Variants in ATL2 observed in about 807,000 individuals in gnomAD.
ATL2 encodes the protein atlastin GTPase 2.
Under a neutral mutation model 73.9 loss-of-function variants are expected in ATL2, and 31 were observed. The ratio of observed to expected loss-of-function variants is 0.42; its 90% CI spans 0.32 to 0.57. The LOEUF is 0.57. Among genes scored for constraint, ATL2 ranks in the 20% least tolerant of loss-of-function variants. The probability of loss-of-function intolerance (pLI) is 0.14; values close to 1 mark genes in which losing one functional copy is unlikely to be tolerated. For missense variants in ATL2, 738 were observed against 702.6 expected, an observed-to-expected ratio of 1.05 and a Z score of -0.57; for synonymous variants, 291 against 237.5, an observed-to-expected ratio of 1.23 and a Z score of -2.07.
At chr2:38,369,830 C>A (rs549354910) in intron 1 of ATL2, among the ~76,000 whole-genome samples, 97 of 151,816 alleles carry the variant, frequency 6.4e-4, no homozygotes, top group Non-Finnish European at 1.0e-3. Flanking sequence ...GGTGTTTTCC[C>A]GTCAAAACTC....
chr2:38,375,995 A>G, intron 1 of ATL2: 1 of 1,246,792 alleles, frequency 8.0e-7, no homozygotes, highest in Non-Finnish European at 1.0e-6. Flanking sequence ...TGTGGTTAAC[A>G]TCATACCAAA....
intron 2 of ATL2, among the ~76,000 whole-genome samples, chr2:38,342,524 G>C (rs1669783834): frequency 1.3e-5 from 2 of 152,188 alleles, no homozygotes; most frequent in Non-Finnish European, 2.9e-5. Flanking sequence ...AAGGGCAAGA[G>C]ATGAGATTCA....
chr2:38,313,274 T>C, intron 6 of ATL2, 31 bp from the exon 7 acceptor site: 1 of 1,517,834 alleles, frequency 6.6e-7, no homozygotes, highest in African/African-American at 1.4e-5. Context: ...AATTGTTTAT[T>C]TTACAATAAA....
intron 4 of ATL2, among the ~76,000 whole-genome samples, chr2:38,316,413 G>A (rs1194658708): frequency 2.0e-5 from 3 of 152,166 alleles, no homozygotes; most frequent in Non-Finnish European, 4.4e-5. Flanking sequence ...AACAGAGAAA[G>A]AGATTTATTT....
At chr2:38,296,650 T>C (rs1057156723) in intron 12 of ATL2, 3 of 1,591,410 alleles carry the variant, frequency 1.9e-6, no homozygotes, top group African/African-American at 2.7e-5. Context: ...CTAAAGAGTT[T>C]AAGACTACAA....
intron 2 of ATL2, among the ~76,000 whole-genome samples, chr2:38,341,784 A>C (rs1459602312): frequency 6.6e-6 from 1 of 152,232 alleles, no homozygotes; most frequent in Non-Finnish European, 1.5e-5. Context: ...GATCGCCATG[A>C]AAAAACTTTA....
intron 2 of ATL2, among the ~76,000 whole-genome samples, chr2:38,337,788 T>C (rs1031303249): frequency 7.2e-5 from 11 of 152,174 alleles, no homozygotes; most frequent in African/African-American, 2.6e-4. Flanking sequence ...TACTTTTACA[T>C]GTATTTATTA....
chr2:38,349,650 T>C (rs1007927763), intron 1 of ATL2, among the ~76,000 whole-genome samples: 1 of 151,420 alleles, frequency 6.6e-6, no homozygotes, highest in Non-Finnish European at 1.5e-5. Context: ...TGTGCACATG[T>C]ACCCTAAAAC....
At chr2:38,344,453 T>C (rs1373787453) in intron 1 of ATL2, among the ~76,000 whole-genome samples, 2 of 151,974 alleles carry the variant, frequency 1.3e-5, no homozygotes, top group South Asian at 2.1e-4. Flanking sequence ...CTACTAAAAA[T>C]ACAAAAATTA....
chr2:38,372,370 G>C (rs1451198528), intron 1 of ATL2, among the ~76,000 whole-genome samples: 2 of 152,050 alleles, frequency 1.3e-5, no homozygotes, highest in Non-Finnish European at 2.9e-5. Context: ...ATTGTATTAG[G>C]TATTATAGTG....
intron 12 of ATL2, among the ~76,000 whole-genome samples, chr2:38,297,746 T>C (rs751792243): frequency 2.0e-4 from 30 of 152,192 alleles, no homozygotes; most frequent in Non-Finnish European, 2.2e-4. Flanking sequence ...CCTGCATTGC[T>C]GCTTGCCAAT....
chr2:38,348,319 A>T (rs1247248871), intron 1 of ATL2, among the ~76,000 whole-genome samples: 1 of 151,994 alleles, frequency 6.6e-6, no homozygotes, highest in Non-Finnish European at 1.5e-5. Context: ...ATACAAAATT[A>T]GCCAGGAGTG....
At chr2:38,326,424 C>A (rs1668666389) in intron 2 of ATL2, among the ~76,000 whole-genome samples, 1 of 152,026 alleles carries the variant, frequency 6.6e-6, no homozygotes, top group Non-Finnish European at 1.5e-5. Context: ...CAAGCCATGC[C>A]AAAAGGCAAG....
At chr2:38,361,868 G>A (rs529433301) in intron 1 of ATL2, among the ~76,000 whole-genome samples, 6 of 152,224 alleles carry the variant, frequency 3.9e-5, no homozygotes, top group Admixed American at 3.3e-4. Context: ...GTGGATCTTC[G>A]AAGATGTTTT....
At chr2:38,318,056 C>T (rs1668118676) in intron 4 of ATL2, among the ~76,000 whole-genome samples, 1 of 152,170 alleles carries the variant, frequency 6.6e-6, no homozygotes, top group South Asian at 2.1e-4. Context: ...ACTCAGGAGG[C>T]TGAGGCAGGA....
At chr2:38,348,648 A>C (rs1366169558) in intron 1 of ATL2, among the ~76,000 whole-genome samples, 1 of 151,708 alleles carries the variant, frequency 6.6e-6, no homozygotes, top group African/African-American at 2.4e-5. Flanking sequence ...AAAAAAAAAA[A>C]CCCAAAAGCC....
At chr2:38,374,628 C>G (rs1247919544) in intron 1 of ATL2, among the ~76,000 whole-genome samples, 1 of 152,174 alleles carries the variant, frequency 6.6e-6, no homozygotes, top group Non-Finnish European at 1.5e-5. Flanking sequence ...AACAGGTCTT[C>G]CAAATGACCA....
intron 1 of ATL2, among the ~76,000 whole-genome samples, chr2:38,351,177 C>G (rs1670315574): frequency 6.6e-6 from 1 of 152,108 alleles, no homozygotes; most frequent in Admixed American, 6.6e-5. Flanking sequence ...CCCACAAAAG[C>G]TAAGTAACGT....
chr2:38,357,167 A>G (rs924227873), intron 1 of ATL2, among the ~76,000 whole-genome samples: 8 of 151,958 alleles, frequency 5.3e-5, no homozygotes, highest in Non-Finnish European at 1.0e-4. Context: ...GTCTCTACTA[A>G]AAATACAAAA....
Sources: allele counts gnomAD v4.1 joint callset (sites outside exome capture counted in the v4.1 genomes callset), GRCh38; gene constraint gnomAD v4.1.1; transcripts MANE v1.5; gene names NCBI Gene and HGNC (gene_info 2026-07-23, HGNC 2026-07-21).